HECW1: variants seen among roughly 807,000 people sequenced by gnomAD.
HECW1 encodes the protein E3 ubiquitin-protein ligase HECW1.
Under a neutral mutation model 182.3 loss-of-function variants are expected in HECW1, and 61 were observed. The observed-to-expected ratio is 0.33, with a 90% CI of 0.27 to 0.41. HECW1 has a LOEUF of 0.41. Ranked by LOEUF, HECW1 falls within the 10% of genes least tolerant of loss-of-function variation. The pLI, the probability that HECW1 is intolerant of heterozygous loss-of-function variation, is 1.00. For missense variants in HECW1, 1,739 were observed against 2,108.9 expected (o/e 0.82, Z 3.44); for synonymous variants, 859 against 832.6 (o/e 1.03, Z -0.55).
intron 3 of HECW1, among the ~76,000 whole-genome samples, chr7:43,279,374 C>T (rs1803593304): frequency 6.6e-6 from 1 of 151,892 alleles, no homozygotes; most frequent in Non-Finnish European, 1.5e-5. Context: ...GTTCATAAGC[C>T]AGAGGCCCTG....
chr7:43,550,565 G>C lies in HECW1; in HGVS notation c.4369G>C (p.Glu1457Gln), dbSNP rs779199336. ...RVERGVVQQT[E>Q]ALVRGFYEVV... ...GGAGCGCGGCGTGGTACAGCAGACC[G>C]AGGCGCTGGTGCGCGGCTTCTACGA... is the stretch of plus-strand genomic sequence containing the variant. Residue 1457 changes from glutamate (E) to glutamine (Q), a missense_variant, in exon 27 of 30, where the codon GAG becomes CAG. Coordinates refer to ENST00000395891, the MANE Select transcript of HECW1 (RefSeq NM_015052.5). 8 of 1,608,482 alleles carry C rather than the reference G, an allele frequency of 5.0e-6. No homozygotes were observed. The highest frequency in any genetic ancestry group is 2.7e-5 in the African/African-American group (2 of 74,806).
At chr7:43,332,865 A>G (rs964744334) in intron 5 of HECW1, among the ~76,000 whole-genome samples, 3 of 152,202 alleles carry the variant, frequency 2.0e-5, no homozygotes, top group African/African-American at 7.2e-5. Context: ...ATGGAACCCT[A>G]GATGGCAGAT....
At chr7:43,453,025 G>C (rs1055300614) in intron 12 of HECW1, among the ~76,000 whole-genome samples, 1 of 152,190 alleles carries the variant, frequency 6.6e-6, no homozygotes, top group African/African-American at 2.4e-5. Flanking sequence ...GATCATGCAG[G>C]GCCTTGTAAA....
At chr7:43,345,653 T>A (rs1469023734) in intron 5 of HECW1, among the ~76,000 whole-genome samples, 1 of 152,064 alleles carries the variant, frequency 6.6e-6, no homozygotes, top group African/African-American at 2.4e-5. Context: ...ATAGCTCAGC[T>A]CCCACATATC....
chr7:43,381,429 C>A (rs2074544174), intron 6 of HECW1, among the ~76,000 whole-genome samples: 2 of 151,934 alleles, frequency 1.3e-5, no homozygotes, highest in South Asian at 4.1e-4. Flanking sequence ...TCAAGCAATT[C>A]TCCCACCTTT....
At chr7:43,430,691 G>A (rs2076517892) in intron 8 of HECW1, among the ~76,000 whole-genome samples, 1 of 151,920 alleles carries the variant, frequency 6.6e-6, no homozygotes, top group Non-Finnish European at 1.5e-5. Flanking sequence ...AGCCTTTCAG[G>A]GAAATTAGGA....
intron 3 of HECW1, among the ~76,000 whole-genome samples, chr7:43,303,854 A>G (rs1231582312): frequency 2.0e-5 from 3 of 151,966 alleles, no homozygotes; most frequent in African/African-American, 7.3e-5. Context: ...GTCCCACAAC[A>G]TCCCTCATAC....
chr7:43,328,797 A>AATGAGAAGAAAACCC (rs1417938997), intron 5 of HECW1, among the ~76,000 whole-genome samples: 9 of 152,220 alleles, frequency 5.9e-5, no homozygotes, highest in Non-Finnish European at 1.2e-4. Flanking sequence ...AGATCTTCCC[A>AATGAGAAGAAAACCC]ATGAGAAGAA....
intron 5 of HECW1, among the ~76,000 whole-genome samples, chr7:43,352,363 T>C (rs1229338864): frequency 6.6e-6 from 1 of 152,216 alleles, no homozygotes; most frequent in African/African-American, 2.4e-5. Context: ...GAAATTCAAT[T>C]TTAACTGGGT....
intron 12 of HECW1, among the ~76,000 whole-genome samples, chr7:43,453,814 C>A (rs2077312391): frequency 2.6e-5 from 4 of 152,138 alleles, no homozygotes; most frequent in African/African-American, 7.2e-5. Flanking sequence ...TTAGACAAAC[C>A]CATGGCATCA....
intron 5 of HECW1, among the ~76,000 whole-genome samples, chr7:43,356,278 A>C (rs1815122732): frequency 6.6e-6 from 1 of 152,202 alleles, no homozygotes; most frequent in Non-Finnish European, 1.5e-5. Context: ...GATAAAATAG[A>C]CTACAAATCA....
intron 24 of HECW1, among the ~76,000 whole-genome samples, chr7:43,535,044 A>G (rs897773451): frequency 2.0e-5 from 3 of 152,180 alleles, no homozygotes; most frequent in African/African-American, 7.2e-5. Flanking sequence ...AAGTTAACTG[A>G]TATTAAACAG....
chr7:43,177,813 C>T (rs1200044912), intron 2 of HECW1, among the ~76,000 whole-genome samples: 1 of 152,206 alleles, frequency 6.6e-6, no homozygotes, highest in Non-Finnish European at 1.5e-5. Context: ...CCCTTCTCTA[C>T]AAATCCCAAA....
At chr7:43,500,049 C>T (rs1440139337) in intron 19 of HECW1, among the ~76,000 whole-genome samples, 5 of 151,904 alleles carry the variant, frequency 3.3e-5, no homozygotes, top group East Asian at 3.9e-4. Context: ...ACACTCACCC[C>T]GCAACTCACT....
At chr7:43,403,349 G>C (rs2075491154) in intron 7 of HECW1, among the ~76,000 whole-genome samples, 1 of 152,148 alleles carries the variant, frequency 6.6e-6, no homozygotes, top group African/African-American at 2.4e-5. Flanking sequence ...TGAGTCTTCA[G>C]GGGCAGCAAG....
rs563022650 is a variant in HECW1, at chr7:43,379,927, C to T, written c.556-16887C>T. Among the ~76,000 whole-genome samples, 52 of 152,336 alleles carry T rather than the reference C, an allele frequency of 3.4e-4. No homozygotes were observed. The South Asian group carries it at 6.4e-3, about 19-fold the overall frequency. On this transcript the variant is annotated intron_variant, in intron 6 of 29. Transcript: ENST00000395891. ...CAGAGATGTACCTGCCTGTCCTCTT[C>T]AGAGCTGTTCCTTATCACCCACCAG...
Position 43,497,609 on chromosome 7 carries a change from G to T in HECW1, c.3438-3090G>T, listed in dbSNP as rs73098750. The stretch of plus-strand genomic sequence containing the variant: ...GGGAGGGGCATAAGATGGAACAGGG[G>T]CTATGCAGGAGACTATTATATTCAT... On this transcript the variant is annotated intron_variant, in intron 19 of 29. Coordinates refer to ENST00000395891, the MANE Select transcript of HECW1 (RefSeq NM_015052.5). 4.0e-3 allele frequency among the ~76,000 whole-genome samples: 608 copies of T among 152,292 alleles called. 1 individual carries two copies. The highest frequency in any genetic ancestry group is 7.1e-3 in the Non-Finnish European group (482 of 68,016).
At position 43,243,801 on chromosome 7, in the gene HECW1, T is replaced by C; in HGVS notation, c.-31-74T>C. The C allele has an allele frequency of 5.2e-6, 6 of 1,147,940 alleles. No individual in the cohort carries two copies. The South Asian group carries it at 7.4e-5, about 14-fold the overall frequency. 71.1% of individuals were successfully genotyped at this position (1,147,940 alleles called of 1,614,324 possible). On this transcript the variant is annotated intron_variant, in intron 2 of 29. Coordinates refer to ENST00000395891, the MANE Select transcript of HECW1 (RefSeq NM_015052.5). This position sits in a 1 kb window ranked among gnomAD's most constrained non-coding sequence, Gnocchi z 4.0. The stretch of plus-strand genomic sequence containing the variant: ...GGCGGGGGTGGGGGAAACAATGTTG[T>C]TTGTGTGGGTAATGTTGCTGATTTT...
chr7:43,465,295 A>C (rs2077725302), intron 14 of HECW1, among the ~76,000 whole-genome samples: 1 of 152,226 alleles, frequency 6.6e-6, no homozygotes, highest in Admixed American at 6.5e-5. Flanking sequence ...ACAGTTCTAC[A>C]GGTTGGCAAT....
Sources: allele counts gnomAD v4.1 joint callset (sites outside exome capture counted in the v4.1 genomes callset), GRCh38; gene constraint gnomAD v4.1.1; non-coding constraint Gnocchi (gnomAD v3.1); transcripts MANE v1.5; gene names NCBI Gene and HGNC (gene_info 2026-07-23, HGNC 2026-07-21).